The following ZFAND6 variants were observed in gnomAD, a reference collection of about 807,000 sequenced individuals.
The protein encoded by ZFAND6 is AN1-type zinc finger protein 6.
A neutral mutation model predicts 24.5 loss-of-function variants in ZFAND6; 12 were observed. The ratio of observed to expected loss-of-function variants is 0.49; its 90% CI spans 0.31 to 0.79. ZFAND6 has a LOEUF of 0.79. Ranked by LOEUF, ZFAND6 falls within the 30% of genes least tolerant of loss-of-function variation. ZFAND6 has a pLI of 0.04. For synonymous variants in ZFAND6, 92 were observed against 81.5 expected (o/e 1.13, Z -0.69); for missense variants, 207 against 245.9 (o/e 0.84, Z 1.06).
chr15:80,094,834 G>GCA (rs2038622016), intron 1 of ZFAND6, among the ~76,000 whole-genome samples: 1 of 151,888 alleles, frequency 6.6e-6, no homozygotes, highest in African/African-American at 2.4e-5. Context: ...ATCCCAGGCT[G>GCA]GAGTGCAATG....
intron 5 of ZFAND6, among the ~76,000 whole-genome samples, chr15:80,128,927 C>T (rs1450326479): frequency 1.3e-5 from 2 of 152,152 alleles, no homozygotes; most frequent in East Asian, 3.8e-4. Flanking sequence ...AAATTTGTGT[C>T]TCAGTAGTTA....
chr15:80,108,566 C>T (rs1225745335), intron 2 of ZFAND6, among the ~76,000 whole-genome samples: 7 of 152,048 alleles, frequency 4.6e-5, no homozygotes, highest in Non-Finnish European at 8.8e-5. Context: ...TGATATGAAA[C>T]CTAGGTCAGT....
At chr15:80,105,135 G>T (rs1187660902) in intron 2 of ZFAND6, among the ~76,000 whole-genome samples, 1 of 152,170 alleles carries the variant, frequency 6.6e-6, no homozygotes, top group Non-Finnish European at 1.5e-5. Context: ...TCCCCTGGTA[G>T]ACCACATACT....
At chr15:80,068,792 G>GA (rs2036808715) in intron 1 of ZFAND6, among the ~76,000 whole-genome samples, 1 of 152,238 alleles carries the variant, frequency 6.6e-6, no homozygotes, top group Non-Finnish European at 1.5e-5. Context: ...CTAGGAAATA[G>GA]AAAACCACAT....
intron 1 of ZFAND6, among the ~76,000 whole-genome samples, chr15:80,082,208 A>G (rs2037712505): frequency 6.6e-6 from 1 of 152,264 alleles, no homozygotes; most frequent in Non-Finnish European, 1.5e-5. Context: ...CTTCTATGCA[A>G]ATAAGTGGTA....
intron 1 of ZFAND6, among the ~76,000 whole-genome samples, chr15:80,093,182 G>A (rs2038492967): frequency 1.3e-5 from 2 of 151,816 alleles, no homozygotes; most frequent in South Asian, 4.2e-4. Context: ...GACCAGGCTG[G>A]TTTCGAACTC....
intron 5 of ZFAND6, among the ~76,000 whole-genome samples, chr15:80,127,589 CAAAAAAAAAA>C (rs55872915): frequency 1.7e-5 from 2 of 120,074 alleles, no homozygotes; most frequent in African/African-American, 3.7e-5. Context: ...AACTCCATCT[CAAAAAAAAAA>C]AAAAAAAAAA....
chr15:80,090,803 C>T (rs1337783441), intron 1 of ZFAND6, among the ~76,000 whole-genome samples: 1 of 152,088 alleles, frequency 6.6e-6, no homozygotes, highest in East Asian at 1.9e-4. Context: ...TTTGAGATAC[C>T]ATTCTAGGAG....
intron 1 of ZFAND6, among the ~76,000 whole-genome samples, chr15:80,093,608 C>G (rs1416016079): frequency 6.6e-6 from 1 of 152,060 alleles, no homozygotes; most frequent in Non-Finnish European, 1.5e-5. Flanking sequence ...GCCTGTAATC[C>G]CAGCTACTCA....
At chr15:80,123,913 C>T (rs898623657) in intron 5 of ZFAND6, among the ~76,000 whole-genome samples, 1 of 152,130 alleles carries the variant, frequency 6.6e-6, no homozygotes, top group African/African-American at 2.4e-5. Flanking sequence ...TTTAAATAAG[C>T]TAGGTAGTTC....
rs533525610 is a variant in ZFAND6, at chr15:80,118,289, GT to G, written c.-17-2032del. ...AGGCACACGCCGCCACACCCGGCTA[GT>G]TTTTTTGTATTTTTAGTAGAGATGG... On this transcript the variant is annotated intron_variant, in intron 2 of 6. Coordinates refer to ENST00000261749, the MANE Select transcript of ZFAND6 (RefSeq NM_019006.4). Among the ~76,000 whole-genome samples the G allele has an allele frequency of 7.3e-3, 1,096 of 150,492 alleles. 9 individuals are homozygous for G. Among genetic ancestry groups the G allele is most frequent in the African/African-American group, 0.021 (865 of 40,908 alleles).
intron 6 of ZFAND6, among the ~76,000 whole-genome samples, chr15:80,135,935 A>G (rs1368689586): frequency 1.3e-5 from 2 of 152,206 alleles, no homozygotes; most frequent in African/African-American, 2.4e-5. Context: ...ACCAACCTGG[A>G]CTACATAGTG....
At chr15:80,080,311 T>C (rs559477681) in intron 1 of ZFAND6, among the ~76,000 whole-genome samples, 2 of 152,310 alleles carry the variant, frequency 1.3e-5, no homozygotes, top group African/African-American at 4.8e-5. Context: ...CAACCAGTTT[T>C]CTTAAATTTT....
intron 3 of ZFAND6, among the ~76,000 whole-genome samples, chr15:80,121,033 A>C (rs897958410): frequency 6.6e-6 from 1 of 152,154 alleles, no homozygotes; most frequent in African/African-American, 2.4e-5. Flanking sequence ...CTTTTGTTTC[A>C]GTAGTTGTAT....
intron 2 of ZFAND6, among the ~76,000 whole-genome samples, chr15:80,099,629 T>TTCTTTC (rs1466788860): frequency 6.8e-6 from 1 of 147,488 alleles, no homozygotes; most frequent in Admixed American, 6.8e-5. Flanking sequence ...TTTTTTTTTT[T>TTCTTTC]TTTTTCGAGA....
chr15:80,132,015 A>G (rs1428068665), intron 6 of ZFAND6, among the ~76,000 whole-genome samples: 1 of 152,254 alleles, frequency 6.6e-6, no homozygotes, highest in African/African-American at 2.4e-5. Flanking sequence ...GAAGAAAATG[A>G]ATAGGGCATG....
chr15:80,071,264 C>T (rs965781309), intron 1 of ZFAND6, among the ~76,000 whole-genome samples: 16 of 152,266 alleles, frequency 1.1e-4, no homozygotes, highest in African/African-American at 3.8e-4. Flanking sequence ...TTGAAAACTT[C>T]AAATTAAAAT....
At chr15:80,070,885 C>G (rs531165454) in intron 1 of ZFAND6, among the ~76,000 whole-genome samples, 204 of 151,772 alleles carry the variant, frequency 1.3e-3, no homozygotes, top group African/African-American at 4.8e-3. Flanking sequence ...ACTGTATATT[C>G]TTTTTGCTGA....
chr15:80,135,224 GCTTA>G (rs1202755781), intron 6 of ZFAND6, among the ~76,000 whole-genome samples: 2 of 151,918 alleles, frequency 1.3e-5, no homozygotes, highest in African/African-American at 2.4e-5. Context: ...CTTTTCTCTA[GCTTA>G]CTTTATTATA....
Sources: gnomAD v4.1 joint callset for allele counts (sites outside exome capture counted in the v4.1 genomes callset) on GRCh38, gnomAD v4.1.1 for gene constraint, MANE v1.5 for transcripts, NCBI Gene and HGNC (gene_info 2026-07-23, HGNC 2026-07-21) for gene names.